Variants in FERMT2 observed in about 807,000 individuals in gnomAD.
The protein encoded by FERMT2 is FERM domain containing kindlin 2.
FERMT2 carries 15 observed loss-of-function variants against 82.7 expected under a neutral mutation model. The observed-to-expected ratio is 0.18, with a 90% CI of 0.12 to 0.28. The LOEUF is 0.28. Among genes scored for constraint, FERMT2 ranks in the 10% least tolerant of loss-of-function variants. The probability of loss-of-function intolerance (pLI) is 1.00; values close to 1 mark genes in which losing one functional copy is unlikely to be tolerated. For missense variants in FERMT2, 645 were observed against 809.4 expected (o/e 0.80, Z 2.46); for synonymous variants, 274 against 271.5 (o/e 1.01, Z -0.09).
chr14:52,913,724 C>T (rs950672295), intron 3 of FERMT2, among the ~76,000 whole-genome samples: 2 of 125,170 alleles, frequency 1.6e-5, no homozygotes, highest in Admixed American at 1.5e-4. Flanking sequence ...AATGAAAGAC[C>T]AACCACCCAC....
chr14:52,937,715 A>G (rs1026107603), intron 2 of FERMT2, among the ~76,000 whole-genome samples: 1 of 152,150 alleles, frequency 6.6e-6, no homozygotes, highest in African/African-American at 2.4e-5. Flanking sequence ...ATATTCCCAC[A>G]CGTCTCATGT....
In FERMT2 at chr14:52,919,253, A is replaced by G; in HGVS notation, c.261T>C (p.Asp87=). The G allele has an allele frequency of 6.2e-7, 1 of 1,614,140 alleles. No homozygotes were observed. The highest frequency in any genetic ancestry group is 8.5e-7 in the Non-Finnish European group (1 of 1,179,992). ...GCTGAGGGGTGAACTGAAGCTTAGC[A>G]TCTGCCTGAATACCATACTTATCTA... is the stretch of plus-strand genomic sequence containing the variant. ...WTLDKYGIQA[D]AKLQFTPQHK... is the part of the protein sequence containing the mutation. Residue 87 remains aspartate (D), a synonymous_variant, in exon 3 of 15, where the codon GAT becomes GAC. Coordinates refer to ENST00000341590, the MANE Select transcript of FERMT2 (RefSeq NM_006832.3).
At chr14:52,868,981 T>C (rs1885453351) in intron 10 of FERMT2, among the ~76,000 whole-genome samples, 1 of 152,146 alleles carries the variant, frequency 6.6e-6, no homozygotes, top group African/African-American at 2.4e-5. Context: ...GAGAACAGCT[T>C]ATAAACTTAT....
In FERMT2 at chr14:52,950,496, T is replaced by C; in HGVS notation, c.73A>G (p.Thr25Ala). The change falls in exon 2 of 15, where the codon ACG becomes GCG. Residue 25 changes from threonine to alanine, a missense_variant. By Grantham distance (58) the Thr-to-Ala change is moderately conservative. Transcript: ENST00000341590. ...AGGGTGACATCGCGGTTCAGGTCCG[T>C]CACATGGACACTCAGTTCCCACGTC... ...DGTWELSVHVTDLNRDVTLRV... is the reference protein window; with the variant it reads ...DGTWELSVHVADLNRDVTLRV... 1 of 1,614,106 alleles carries C rather than the reference T, an allele frequency of 6.2e-7. No individual in the cohort carries two copies. The highest frequency in any genetic ancestry group is 8.5e-7 in the Non-Finnish European group (1 of 1,180,016).
At chr14:52,887,636 T>G (rs893753417) in intron 4 of FERMT2, among the ~76,000 whole-genome samples, 16 of 152,178 alleles carry the variant, frequency 1.1e-4, no homozygotes, top group African/African-American at 3.9e-4. Flanking sequence ...ATGACCAGCC[T>G]GGGCAACACA....
chr14:52,901,213 G>A (rs1247065910), intron 3 of FERMT2, among the ~76,000 whole-genome samples: 1 of 144,494 alleles, frequency 6.9e-6, no homozygotes, highest in African/African-American at 2.6e-5. Flanking sequence ...CCCGGGAGGC[G>A]GAGCTTGCAG....
chr14:52,866,015 A>G (rs1885258523), intron 10 of FERMT2, among the ~76,000 whole-genome samples: 2 of 152,256 alleles, frequency 1.3e-5, no homozygotes, highest in South Asian at 2.1e-4. Context: ...CGAACTGTTT[A>G]ATGTGCAAAG....
rs199591276 is a variant in FERMT2, at chr14:52,914,199, CA to C, written c.391+4923del. On this transcript the variant is annotated intron_variant, in intron 3 of 14. Coordinates refer to ENST00000341590, the MANE Select transcript of FERMT2 (RefSeq NM_006832.3). ...GTAACATAGTAAGACCCTGTCTCTA[CA>C]AAAAAAAAAATATATAAAAATTAGC... Among the ~76,000 whole-genome samples, 473 of 142,916 alleles carry C rather than the reference CA, an allele frequency of 3.3e-3. 13 individuals carry two copies. The East Asian group carries it at 0.062, about 19-fold the overall frequency. 93.8% of individuals were successfully genotyped at this position (142,916 alleles called of 152,430 possible).
chr14:52,917,171 G>A (rs1293589680), intron 3 of FERMT2, among the ~76,000 whole-genome samples: 2 of 152,122 alleles, frequency 1.3e-5, no homozygotes, highest in Admixed American at 6.5e-5. Flanking sequence ...GTGGATACTC[G>A]AGAGAAATTC....
At chr14:52,908,695 C>T (rs552465035) in intron 3 of FERMT2, among the ~76,000 whole-genome samples, 10 of 152,218 alleles carry the variant, frequency 6.6e-5, no homozygotes, top group Non-Finnish European at 1.3e-4. Flanking sequence ...AACTGTCCTA[C>T]ATCTTGCTGG....
At chr14:52,873,003 T>A in intron 9 of FERMT2, 80 bp from the exon 10 acceptor site, 1 of 1,389,956 alleles carries the variant, frequency 7.2e-7, no homozygotes, top group Non-Finnish European at 1.0e-6. Context: ...TTCACAATAT[T>A]AATTTAAGTC....
At chr14:52,880,951 T>C in intron 6 of FERMT2, 85 bp downstream of exon 6, 2 of 802,904 alleles carry the variant, frequency 2.5e-6, no homozygotes, top group African/African-American at 1.7e-5. Flanking sequence ...TAATTCCTTA[T>C]TCCACCGACT....
In FERMT2 at chr14:52,914,141, T is replaced by A. The variant is rs529854471; in HGVS notation, c.391+4982A>T. Among the ~76,000 whole-genome samples, 10 of 152,138 alleles carry A rather than the reference T, an allele frequency of 6.6e-5. 1 individual carries two copies. In the South Asian group the frequency reaches 2.1e-3, roughly 32 times the overall value. On this transcript the variant is annotated intron_variant, in intron 3 of 14. Coordinates refer to ENST00000341590, the MANE Select transcript of FERMT2 (RefSeq NM_006832.3). ...GCTTTGGGAGGCCGAGGCAGGTGGA[T>A]TGCTTGAGCACAGAAGTTAAAGACC...
At chr14:52,859,818 T>TCC (rs2140044559) in intron 13 of FERMT2, 104 bp from the exon 14 acceptor site, 1 of 624,948 alleles carries the variant, frequency 1.6e-6, no homozygotes. Context: ...AAGAGTACTA[T>TCC]TCTTTTTTTT....
At chr14:52,924,721 G>GAGAATAATAGCGATCAATAGAT (rs1889152558) in intron 2 of FERMT2, among the ~76,000 whole-genome samples, 1 of 152,116 alleles carries the variant, frequency 6.6e-6, no homozygotes, top group Non-Finnish European at 1.5e-5. Flanking sequence ...CTGCAGCAAG[G>GAGAATAATAGCGATCAATAGAT]AGAATAATAG....
intron 3 of FERMT2, among the ~76,000 whole-genome samples, chr14:52,913,778 C>T (rs980633350): frequency 7.2e-5 from 11 of 151,848 alleles, no homozygotes; most frequent in African/African-American, 2.7e-4. Flanking sequence ...GCGTAACAAC[C>T]TGAAAATCTT....
At chr14:52,903,607 G>A (rs1887804044) in intron 3 of FERMT2, among the ~76,000 whole-genome samples, 2 of 151,324 alleles carry the variant, frequency 1.3e-5, no homozygotes, top group African/African-American at 4.9e-5. Context: ...TAGCAACATT[G>A]GAAGCCAAAA....
intron 2 of FERMT2, among the ~76,000 whole-genome samples, chr14:52,926,468 T>C (rs551041480): frequency 6.6e-6 from 1 of 150,942 alleles, no homozygotes; most frequent in South Asian, 2.1e-4. Flanking sequence ...AGCCTGGCAC[T>C]TGGCCAGAAG....
chr14:52,885,736 C>T (rs1451442997), intron 4 of FERMT2, among the ~76,000 whole-genome samples: 2 of 152,018 alleles, frequency 1.3e-5, no homozygotes, highest in African/African-American at 4.8e-5. Context: ...ATTTACCTAA[C>T]TTATTATAAA....
Sources: allele counts gnomAD v4.1 joint callset (sites outside exome capture counted in the v4.1 genomes callset), GRCh38; gene constraint gnomAD v4.1.1; transcripts MANE v1.5; gene names NCBI Gene and HGNC (gene_info 2026-07-23, HGNC 2026-07-21).